The following EME2 variants were observed in gnomAD, a reference collection of about 807,000 sequenced individuals.
EME2 encodes essential meiotic structure-specific endonuclease subunit 2.
In EME2, 58 loss-of-function variants were observed where a neutral mutation model predicts 41.9. The ratio of observed to expected loss-of-function variants is 1.38; its 90% CI spans 1.12 to 1.72. The LOEUF (loss-of-function observed/expected upper bound fraction) is 1.72, where lower values mean the gene tolerates loss of function less well. EME2 is among the 40% of genes most tolerant of loss of function. The pLI, the probability that EME2 is intolerant of heterozygous loss-of-function variation, is 0.00. For missense variants in EME2, 695 were observed against 541.9 expected, an observed-to-expected ratio of 1.28 and a Z score of -2.81; for synonymous variants, 334 against 239.3, an observed-to-expected ratio of 1.40 and a Z score of -3.65.
At position 1,773,320 on chromosome 16, in the gene EME2, G is replaced by A. The variant is rs1294335417; in HGVS notation, c.93G>A (p.Trp31Ter). 5 of 1,508,032 alleles carry A rather than the reference G, an allele frequency of 3.3e-6. No individual in the cohort carries two copies. The highest frequency in any genetic ancestry group is 1.4e-5 in the African/African-American group (1 of 69,348). 93.4% of individuals were successfully genotyped at this position (1,508,032 alleles called of 1,614,324 possible). ...GCGGTCAGCGGCGACCTCCAACCTG[G>A]GAGATCTCAGACTCCGACGCTGAGG... ...GGSGQRRPPT[W>*]EISDSDAEDS... The change falls in exon 1 of 8, where the codon TGG (tryptophan) becomes TGA (stop). Residue 31 changes from tryptophan (W) to a stop codon, truncating the protein, a stop_gained. Transcript: ENST00000568449. LOFTEE classifies it high-confidence loss of function.
At position 1,773,062 on chromosome 16, in the gene EME2, C is replaced by A. The variant is rs2042648497; in HGVS notation, c.-166C>A. 7 of 1,419,664 alleles carry A rather than the reference C, an allele frequency of 4.9e-6. No homozygotes were observed. Among genetic ancestry groups the A allele is most frequent in the Non-Finnish European group, 6.4e-6 (7 of 1,088,804 alleles). The allele number at this position is 1,419,664 out of a possible 1,614,324, so 87.9% of individuals were successfully genotyped here. A position where few individuals can be genotyped will look rare whatever the true frequency, so the allele number is the denominator to read the frequency against. Reference sequence around the variant, plus strand: ...GGCCTGTTCAGTTGCTCCCGCAGGGCGCGCACGCGGCGGGCCAGCTCCGCG... The same window carrying A: ...GGCCTGTTCAGTTGCTCCCGCAGGGAGCGCACGCGGCGGGCCAGCTCCGCG... On this transcript the variant is annotated 5_prime_UTR_variant, in exon 1 of 8. Transcript: ENST00000568449.
chr16:1,773,482 G>A lies in EME2; in HGVS notation c.247+8G>A, dbSNP rs1162817740. On this transcript the variant is annotated splice_region_variant and intron_variant, in intron 1 of 7. Coordinates refer to ENST00000568449, the MANE Select transcript of EME2 (RefSeq NM_001257370.2). ...CGGTGTGCGTGGACACAGGTGCGGC[G>A]GAGGGCACGGGCGATACTCGGGGTA... is the stretch of plus-strand genomic sequence containing the variant. The A allele has an allele frequency of 1.9e-6, 3 of 1,578,654 alleles. No homozygotes were observed. The South Asian group carries it at 3.4e-5, about 18-fold the overall frequency.
chr16:1,778,885 GGATAA>G lies in EME2; in HGVS notation c.*2649_*2653del. 1 of 374,222 alleles carries G rather than the reference GGATAA, an allele frequency of 2.7e-6. No individual in the cohort carries two copies. 23.2% of individuals were successfully genotyped at this position (374,222 alleles called of 1,614,324 possible). On this transcript the variant is annotated 3_prime_UTR_variant, in exon 8 of 8. Coordinates refer to ENST00000568449, the MANE Select transcript of EME2 (RefSeq NM_001257370.2). The stretch of plus-strand genomic sequence containing the variant: ...GGCCTCCAAGTGGTTTCTAGACGGT[GGATAA>G]GCCCCAGGTCCACCCCACCTGCCCA...
In EME2 at chr16:1,775,543, T is replaced by G. The variant is rs780228201; in HGVS notation, c.664-26T>G. The stretch of plus-strand genomic sequence containing the variant: ...TCCCGGGTAGCCTTCCTCTGGCTCG[T>G]GCCCATCAGCTTGCCTCCTCCCCAG... On this transcript the variant is annotated intron_variant, in intron 5 of 7. Transcript: ENST00000568449. The G allele has an allele frequency of 2.5e-6, 4 of 1,610,116 alleles. No individual in the cohort carries two copies. In the Admixed American group the frequency reaches 6.7e-5, roughly 27 times the overall value.
Position 1,777,754 on chromosome 16 carries a change from C to T in EME2, c.*1516C>T, listed in dbSNP as rs767465705. 1.2e-6 allele frequency: 2 copies of T among 1,612,326 alleles called. No individual in the cohort carries two copies. Among genetic ancestry groups the T allele is most frequent in the Admixed American group, 1.7e-5 (1 of 59,996 alleles). ...GTCCTGTGACGGCCTCACCTATACA[C>T]TTCCTGTTCTTGAAAAAGGTGAGTG... On this transcript the variant is annotated 3_prime_UTR_variant, in exon 8 of 8. Coordinates refer to ENST00000568449, the MANE Select transcript of EME2 (RefSeq NM_001257370.2).
At position 1,781,456 on chromosome 16, in the gene EME2, C is replaced by T. The variant is rs1329475070; in HGVS notation, c.*5218C>T. The T allele has an allele frequency of 6.2e-7, 1 of 1,612,734 alleles. No individual in the cohort carries two copies. Among genetic ancestry groups the T allele is most frequent in the Non-Finnish European group, 8.5e-7 (1 of 1,179,984 alleles). On this transcript the variant is annotated 3_prime_UTR_variant, in exon 8 of 8. Transcript: ENST00000568449. ...GCTGCACTCAGGACGAAGTGCCAGG[C>T]CCTGCTGTTCCGGGGGCGTCTGGCC...
chr16:1,778,537 C>T lies in EME2; in HGVS notation c.*2299C>T, dbSNP rs753479651. The T allele has an allele frequency of 2.2e-5, 36 of 1,609,064 alleles. No individual in the cohort carries two copies. The highest frequency in any genetic ancestry group is 2.8e-5 in the Non-Finnish European group (33 of 1,177,486). ...TGCCCAGCACAGTCACAGAAGGACT[C>T]GCCGGTCACGGGCACCGCACTGGGG... is the stretch of plus-strand genomic sequence containing the variant. On this transcript the variant is annotated 3_prime_UTR_variant, in exon 8 of 8. Coordinates refer to ENST00000568449, the MANE Select transcript of EME2 (RefSeq NM_001257370.2).
chr16:1,777,560 G>T lies in EME2; in HGVS notation c.*1322G>T. The T allele has an allele frequency of 7.4e-7, 1 of 1,355,966 alleles. No individual in the cohort carries two copies. The highest frequency in any genetic ancestry group is 9.8e-7 in the Non-Finnish European group (1 of 1,019,952). The allele number at this position is 1,355,966 out of a possible 1,614,324, so 84.0% of individuals were successfully genotyped here. A position where few individuals can be genotyped will look rare whatever the true frequency, so the allele number is the denominator to read the frequency against. ...TGGGCAGCTGGCACAGCTGAGGCAA[G>T]GCAGGGTGCACGCGCTGGCCCTGCC... On this transcript the variant is annotated 3_prime_UTR_variant, in exon 8 of 8. Coordinates refer to ENST00000568449, the MANE Select transcript of EME2 (RefSeq NM_001257370.2).
In EME2 at chr16:1,781,337, G is replaced by C; in HGVS notation, c.*5099G>C. The C allele has an allele frequency of 6.2e-7, 1 of 1,612,838 alleles. No homozygotes were observed. The highest frequency in any genetic ancestry group is 8.5e-7 in the Non-Finnish European group (1 of 1,179,988). Reference sequence around the variant, plus strand: ...TCCACACCTTAGGCCAGCCACGTCCGCCTCGCCCGCTGGAACCTACCTGCC... The same window carrying C: ...TCCACACCTTAGGCCAGCCACGTCCCCCTCGCCCGCTGGAACCTACCTGCC... On this transcript the variant is annotated 3_prime_UTR_variant, in exon 8 of 8. Transcript: ENST00000568449.
At position 1,776,526 on chromosome 16, in the gene EME2, C is replaced by G; in HGVS notation, c.*288C>G. The G allele has an allele frequency of 2.4e-6, 1 of 420,898 alleles. No homozygotes were observed. The highest frequency in any genetic ancestry group is 4.3e-6 in the Non-Finnish European group (1 of 234,698). 26.1% of individuals were successfully genotyped at this position (420,898 alleles called of 1,614,324 possible). ...GGGCTGTGCCCCCCCAACACACACA[C>G]ACACTCGGCAGGGACCAGAAGGCAG... On this transcript the variant is annotated 3_prime_UTR_variant, in exon 8 of 8. Transcript: ENST00000568449.
rs1012970017 is a variant in EME2, at chr16:1,773,433, C to T, written c.206C>T (p.Pro69Leu). Residue 69 changes from proline to leucine, a missense_variant, in exon 1 of 8, where the codon CCG (proline) becomes CTG (leucine). Physicochemically the swap from Pro to Leu is moderately conservative, Grantham distance 98 (BLOSUM62 -3). Transcript: ENST00000568449. ...AAAEALRLLRPEQVLKRLAVC... is the reference protein window; with the variant it reads ...AAAEALRLLRLEQVLKRLAVC... ...GCCGAGGCGTTGCGGCTGCTGCGGC[C>T]GGAGCAGGTCCTGAAGCGCCTCGCG... is the stretch of plus-strand genomic sequence containing the variant. The T allele has an allele frequency of 4.5e-6, 7 of 1,569,120 alleles. No individual in the cohort carries two copies. The highest frequency in any genetic ancestry group is 2.7e-5 in the African/African-American group (2 of 72,748).
Position 1,776,252 on chromosome 16 carries a change from C to T in EME2, c.*14C>T. ...CTGGGCTCCTGACCACACGTGGGAC[C>T]ACCAGGACAGCATGCAGCCTTGGGG... On this transcript the variant is annotated 3_prime_UTR_variant, in exon 8 of 8. Coordinates refer to ENST00000568449, the MANE Select transcript of EME2 (RefSeq NM_001257370.2). 6.2e-7 allele frequency: 1 copy of T among 1,611,596 alleles called. No individual in the cohort carries two copies.
Position 1,776,603 on chromosome 16 carries a change from G to A in EME2, c.*365G>A, listed in dbSNP as rs1164788266. The A allele has an allele frequency of 6.3e-6, 2 of 315,662 alleles. No individual in the cohort carries two copies. Among genetic ancestry groups the A allele is most frequent in the Non-Finnish European group, 1.2e-5 (2 of 169,662 alleles). The allele number at this position is 315,662 out of a possible 1,614,324, so 19.6% of individuals were successfully genotyped here. ...GCTTGGGGTGTGGCACCCTCAGCCA[G>A]AAGCAGTAGGGGACTCCCAAGGATG... On this transcript the variant is annotated 3_prime_UTR_variant, in exon 8 of 8. Coordinates refer to ENST00000568449, the MANE Select transcript of EME2 (RefSeq NM_001257370.2).
In EME2 at chr16:1,777,376, G is replaced by A. The variant is rs1453051172; in HGVS notation, c.*1138G>A. ...CACAGGAGCGGGTGACCTTCATGCT[G>A]CTCCGGGCCGCCGTGGAGCACACCA... On this transcript the variant is annotated 3_prime_UTR_variant, in exon 8 of 8. Transcript: ENST00000568449. The A allele has an allele frequency of 6.9e-6, 11 of 1,599,486 alleles. No homozygotes were observed. Among genetic ancestry groups the A allele is most frequent in the Non-Finnish European group, 9.4e-6 (11 of 1,175,342 alleles).
In EME2 at chr16:1,775,212, G is replaced by A. The variant is rs769240419; in HGVS notation, c.569+80G>A. 11 of 1,587,174 alleles carry A rather than the reference G, an allele frequency of 6.9e-6. 1 individual carries two copies. In the South Asian group the frequency reaches 1.1e-4, roughly 16 times the overall value. On this transcript the variant is annotated intron_variant, in intron 4 of 7. Coordinates refer to ENST00000568449, the MANE Select transcript of EME2 (RefSeq NM_001257370.2). ...AGGTGGGCACACTTCTGGGGTTGCT[G>A]TGGCACAGCTGATCCCACTTCTCCA... is the stretch of plus-strand genomic sequence containing the variant.
chr16:1,778,334 C>T lies in EME2; in HGVS notation c.*2096C>T, dbSNP rs1017887346. ...ACCCAGTCGAAATCTGCAAGAGAGG[C>T]CCAGGCTGGGGCAGCCCTGAGAGCT... On this transcript the variant is annotated 3_prime_UTR_variant, in exon 8 of 8. Coordinates refer to ENST00000568449, the MANE Select transcript of EME2 (RefSeq NM_001257370.2). The T allele has an allele frequency of 6.2e-7, 1 of 1,611,826 alleles. No homozygotes were observed. The highest frequency in any genetic ancestry group is 8.5e-7 in the Non-Finnish European group (1 of 1,179,910).
At position 1,777,068 on chromosome 16, in the gene EME2, C is replaced by T. The variant is rs779210941; in HGVS notation, c.*830C>T. On this transcript the variant is annotated 3_prime_UTR_variant, in exon 8 of 8. Coordinates refer to ENST00000568449, the MANE Select transcript of EME2 (RefSeq NM_001257370.2). ...GACAGAGGAAAGGGGCTGTCCCAGCCCAAGAAGGCAGTTCCACTGGGAAGT... is the reference window on the plus strand; with the variant it reads ...GACAGAGGAAAGGGGCTGTCCCAGCTCAAGAAGGCAGTTCCACTGGGAAGT... 1 of 1,601,318 alleles carries T rather than the reference C, an allele frequency of 6.2e-7. No individual in the cohort carries two copies. The highest frequency in any genetic ancestry group is 2.2e-5 in the East Asian group (1 of 44,738).
In EME2 at chr16:1,777,462, G is replaced by T. The variant is rs762913438; in HGVS notation, c.*1224G>T. 1.4e-6 allele frequency: 2 copies of T among 1,479,232 alleles called. No individual in the cohort carries two copies. The highest frequency in any genetic ancestry group is 4.4e-5 in the Admixed American group (2 of 45,194). The allele number at this position is 1,479,232 out of a possible 1,614,324, so 91.6% of individuals were successfully genotyped here. A position where few individuals can be genotyped will look rare whatever the true frequency, so the allele number is the denominator to read the frequency against. ...GCCACACCTGGAAGGGAGGGGCCCA[G>T]CCTGAACCCCAGGCAGGGAAGGGGC... On this transcript the variant is annotated 3_prime_UTR_variant, in exon 8 of 8. Transcript: ENST00000568449.
chr16:1,773,384 C>G lies in EME2; in HGVS notation c.157C>G (p.Pro53Ala). ...GSEAAARARDPAGERRAAAEA... is the reference protein window; with the variant it reads ...GSEAAARARDAAGERRAAAEA... ...GGAGGCCGCCGCGAGAGCCCGGGAC[C>G]CAGCGGGTGAGCGCAGGGCGGCTGC... The change falls in exon 1 of 8, where the codon CCA (proline) becomes GCA (alanine). Residue 53 changes from proline to alanine, a missense_variant. By Grantham distance (27) the Pro-to-Ala change is conservative. Coordinates refer to ENST00000568449, the MANE Select transcript of EME2 (RefSeq NM_001257370.2). 7 of 1,553,774 alleles carry G rather than the reference C, an allele frequency of 4.5e-6. No homozygotes were observed. Among genetic ancestry groups the G allele is most frequent in the Non-Finnish European group, 5.2e-6 (6 of 1,159,698 alleles).
Sources: allele counts gnomAD v4.1 joint callset, GRCh38; gene constraint gnomAD v4.1.1; transcripts MANE v1.5; gene names NCBI Gene and HGNC (gene_info 2026-07-23, HGNC 2026-07-21).